The following NBAS variants were observed in gnomAD, a reference collection of about 807,000 sequenced individuals.
The protein encoded by NBAS is NBAS subunit of NRZ tethering complex, also known as NAG/BC035112 fusion.
A neutral mutation model predicts 302.5 loss-of-function variants in NBAS; 219 were observed. The observed-to-expected ratio is 0.72, with a 90% CI of 0.65 to 0.81. The LOEUF is 0.81. NBAS is among the 30% of genes least tolerant of loss of function. NBAS has a pLI of 0.00. For synonymous variants in NBAS, 1,118 were observed against 1,021.6 expected, an observed-to-expected ratio of 1.09 and a Z score of -1.80; for missense variants, 2,932 against 2,841.6, an observed-to-expected ratio of 1.03 and a Z score of -0.72.
At chr2:14,940,467 G>A in the NBAS span, among the ~76,000 whole-genome samples, 1 of 152,132 alleles carries the variant, frequency 6.6e-6, no homozygotes, top group Non-Finnish European at 1.5e-5. Flanking sequence ...ATGAAACTGT[G>A]AGCCAATTCA....
At chr2:15,148,752 T>C in the NBAS span, among the ~76,000 whole-genome samples, 1 of 152,218 alleles carries the variant, frequency 6.6e-6, no homozygotes, top group South Asian at 2.1e-4. Flanking sequence ...TAGAATTTGG[T>C]GCCCTGTGTT....
At position 15,292,691 on chromosome 2, in the gene NBAS, G is replaced by A. The variant is rs199954479; in HGVS notation, c.4873C>T (p.Leu1625Phe). The part of the protein sequence containing the change: ...RHEHEAWPED[L>F]ISLTKQLHCY... ...TGTAACTGCTTGGTCAGTGAAATAA[G>A]GTCTTCAGGCCAGGCTTCGTGCTCA... The change falls in exon 41 of 52, where the codon CTT (leucine) becomes TTT (phenylalanine). Residue 1625 changes from leucine (L) to phenylalanine (F), a missense_variant. Physicochemically the swap from Leu to Phe is conservative, Grantham distance 22. Transcript: ENST00000281513. The A allele has an allele frequency of 6.2e-7, 1 of 1,614,202 alleles. No individual in the cohort carries two copies. The highest frequency in any genetic ancestry group is 8.5e-7 in the Non-Finnish European group (1 of 1,180,038).
chr2:14,906,517 G>C, the NBAS span, among the ~76,000 whole-genome samples: 1 of 152,188 alleles, frequency 6.6e-6, no homozygotes, highest in Non-Finnish European at 1.5e-5. Context: ...GGCACACGCT[G>C]TTCCTGGGGA....
chr2:15,309,102 G>A (rs546891597), intron 39 of NBAS, 69 bp downstream of exon 39: 61 of 1,253,368 alleles, frequency 4.9e-5, no homozygotes, highest in South Asian at 6.7e-5. Flanking sequence ...CAATTTTACC[G>A]ATGAAAATTC....
chr2:15,418,311 A>C (rs1012891869), intron 23 of NBAS, among the ~76,000 whole-genome samples: 2 of 152,216 alleles, frequency 1.3e-5, no homozygotes, highest in Non-Finnish European at 2.9e-5. Context: ...CTCAGGAAAC[A>C]GCCATTTGAC....
At chr2:15,095,792 C>T in the NBAS span, among the ~76,000 whole-genome samples, 868 of 152,318 alleles carry the variant, frequency 5.7e-3, 27 homozygotes, top group Non-Finnish European at 3.3e-3. Context: ...CATGGGAGCT[C>T]AAGCTTCTCC....
chr2:14,795,006 T>C, the NBAS span, among the ~76,000 whole-genome samples: 1 of 152,238 alleles, frequency 6.6e-6, no homozygotes, highest in African/African-American at 2.4e-5. Flanking sequence ...CGCCTGTTAA[T>C]GAACATTTAT....
At chr2:15,417,075 G>C (rs1388914435) in intron 24 of NBAS, among the ~76,000 whole-genome samples, 5 of 152,180 alleles carry the variant, frequency 3.3e-5, no homozygotes, top group Non-Finnish European at 7.3e-5. Flanking sequence ...AGAAAGCACA[G>C]AATGATCTAA....
At chr2:15,270,743 C>A (rs961482466) in intron 44 of NBAS, among the ~76,000 whole-genome samples, 2 of 152,238 alleles carry the variant, frequency 1.3e-5, no homozygotes, top group South Asian at 2.1e-4. Flanking sequence ...CTTAAAAATT[C>A]TTTTACTGTA....
the NBAS span, among the ~76,000 whole-genome samples, chr2:14,885,891 A>C: frequency 8.5e-5 from 13 of 152,254 alleles, no homozygotes; most frequent in Non-Finnish European, 1.8e-4. Flanking sequence ...ATCCTAAAAA[A>C]ACAGTTTTAC....
At chr2:15,264,643 C>T (rs6734918) in intron 44 of NBAS, among the ~76,000 whole-genome samples, 29,585 of 152,154 alleles carry the variant, frequency 0.19, 3,886 homozygotes, top group East Asian at 0.59. Flanking sequence ...GGAGCGCGCC[C>T]GTATGTGAAT....
At chr2:15,391,045 G>T (rs111229792) in intron 28 of NBAS, among the ~76,000 whole-genome samples, 1,891 of 152,062 alleles carry the variant, frequency 0.012, 34 homozygotes, top group African/African-American at 0.043. Context: ...TGGAGGTGGG[G>T]GTTGCAGTGA....
At chr2:15,081,646 C>T in the NBAS span, among the ~76,000 whole-genome samples, 741 of 152,294 alleles carry the variant, frequency 4.9e-3, 9 homozygotes, top group African/African-American at 0.015. Flanking sequence ...GAAAGAGATG[C>T]CCCAGCGTCC....
At chr2:14,851,418 T>C in the NBAS span, among the ~76,000 whole-genome samples, 2 of 152,022 alleles carry the variant, frequency 1.3e-5, no homozygotes, top group African/African-American at 2.4e-5. Context: ...AAACAGGAGC[T>C]GAAATTGTGG....
At chr2:15,409,259 C>T (rs577694617) in intron 25 of NBAS, among the ~76,000 whole-genome samples, 1 of 152,240 alleles carries the variant, frequency 6.6e-6, no homozygotes, top group South Asian at 2.1e-4. Context: ...CATTAGAGTA[C>T]ATCTAAATAT....
intron 31 of NBAS, among the ~76,000 whole-genome samples, chr2:15,369,715 A>G (rs1674392806): frequency 1.3e-5 from 2 of 152,244 alleles, no homozygotes; most frequent in African/African-American, 4.8e-5. Flanking sequence ...AAAGATAGGC[A>G]TGTACGTACC....
At chr2:15,206,521 G>A (rs1360446651) in intron 48 of NBAS, among the ~76,000 whole-genome samples, 5 of 152,216 alleles carry the variant, frequency 3.3e-5, no homozygotes, top group Admixed American at 3.3e-4. Context: ...AGACTATGGG[G>A]AAAATGTCTC....
chr2:14,819,255 ATC>A, the NBAS span, among the ~76,000 whole-genome samples: 1 of 152,210 alleles, frequency 6.6e-6, no homozygotes, highest in African/African-American at 2.4e-5. Context: ...TTGTAGGTAG[ATC>A]CCATGTAAGA....
intron 25 of NBAS, among the ~76,000 whole-genome samples, chr2:15,408,706 C>A (rs930621348): frequency 6.6e-6 from 1 of 152,182 alleles, no homozygotes; most frequent in African/African-American, 2.4e-5. Context: ...AGTCATACTA[C>A]TTAGGCTTAA....
Sources: allele counts gnomAD v4.1 joint callset (sites outside exome capture counted in the v4.1 genomes callset), GRCh38; gene constraint gnomAD v4.1.1; transcripts MANE v1.5; gene names NCBI Gene and HGNC (gene_info 2026-07-23, HGNC 2026-07-21).